TTC3: variants seen among roughly 807,000 people sequenced by gnomAD.
TTC3 encodes the protein E3 ubiquitin-protein ligase TTC3.
TTC3 carries 180 observed loss-of-function variants against 249.6 expected under a neutral mutation model. The observed-to-expected ratio is 0.72, with a 90% CI of 0.64 to 0.82. The LOEUF (loss-of-function observed/expected upper bound fraction) is 0.82, where lower values mean the gene tolerates loss of function less well. Ranked by LOEUF, TTC3 falls within the 40% of genes least tolerant of loss-of-function variation. The pLI, the probability that TTC3 is intolerant of heterozygous loss-of-function variation, is 0.00. For synonymous variants in TTC3, 717 were observed against 805.0 expected, an observed-to-expected ratio of 0.89 and a Z score of 1.85; for missense variants, 2,061 against 2,398.4, an observed-to-expected ratio of 0.86 and a Z score of 2.94.
chr21:37,202,778 A>G (rs1439879905), exon 46 of TTC3: 1 of 152,252 alleles, frequency 6.6e-6, no homozygotes, highest in African/African-American at 2.4e-5. Context: ...CTGGAAACTT[A>G]GAGTCATGAG....
chr21:37,200,225 T>G lies in TTC3; in HGVS notation c.5851-7T>G, dbSNP rs746185526. 3 of 1,613,908 alleles carry G rather than the reference T, an allele frequency of 1.9e-6. No individual in the cohort carries two copies. In the South Asian group the frequency reaches 3.3e-5, roughly 18 times the overall value. Reference sequence around the variant, plus strand: ...TCTTTACTATTCAGGTGTGTTTGTTTCCACAGGCACTGGGTGCAAGTTCCT... The same window carrying G: ...TCTTTACTATTCAGGTGTGTTTGTTGCCACAGGCACTGGGTGCAAGTTCCT... On this transcript the variant is annotated splice_polypyrimidine_tract_variant and splice_region_variant and intron_variant, in intron 44 of 45. Coordinates refer to ENST00000355666, the Ensembl canonical transcript of TTC3.
At chr21:37,083,024 C>A (rs2835574) in intron 1 of TTC3, 501,066 of 984,800 alleles carry the variant, frequency 0.51, 128,598 homozygotes, top group Middle Eastern at 0.54. Flanking sequence ...TCCATAGTGA[C>A]CCTGCAGAGA....
intron 23 of TTC3, among the ~76,000 whole-genome samples, chr21:37,149,040 GA>G (rs2079229730): frequency 6.6e-6 from 1 of 152,176 alleles, no homozygotes; most frequent in South Asian, 2.1e-4. Context: ...AAAATTTGAT[GA>G]GGTAATTTGT....
intron 16 of TTC3, among the ~76,000 whole-genome samples, chr21:37,129,824 T>C (rs1363579520): frequency 6.6e-6 from 1 of 152,160 alleles, no homozygotes; most frequent in Non-Finnish European, 1.5e-5. Context: ...ACTAAATGTT[T>C]TTTAGAGACA....
chr21:37,179,595 A>G (rs1390191148), intron 35 of TTC3, among the ~76,000 whole-genome samples: 1 of 152,200 alleles, frequency 6.6e-6, no homozygotes, highest in Non-Finnish European at 1.5e-5. Flanking sequence ...TTAATTTTTC[A>G]AATAGTATGG....
intron 5 of TTC3, among the ~76,000 whole-genome samples, chr21:37,089,195 G>GTGC (rs1183381043): frequency 6.6e-6 from 1 of 152,192 alleles, no homozygotes; most frequent in Admixed American, 6.5e-5. Context: ...TGAAAGTGAT[G>GTGC]TGCTCTATCT....
intron 18 of TTC3, among the ~76,000 whole-genome samples, chr21:37,137,026 A>C (rs2078006548): frequency 6.6e-6 from 1 of 152,228 alleles, no homozygotes; most frequent in East Asian, 1.9e-4. Context: ...AGCATGGTTT[A>C]CTAAGTACTT....
chr21:37,143,586 A>G lies in TTC3; in HGVS notation c.1773-939A>G, dbSNP rs112371696. ...TAGAATGGCGATCATTAAAAAGTCAAGAAACAACAGGTGCTGGAGAGGATG... is the reference window on the plus strand; with the variant it reads ...TAGAATGGCGATCATTAAAAAGTCAGGAAACAACAGGTGCTGGAGAGGATG... On this transcript the variant is annotated intron_variant, in intron 20 of 45. Coordinates refer to ENST00000355666, the Ensembl canonical transcript of TTC3. Among the ~76,000 whole-genome samples the G allele has an allele frequency of 5.4e-3, 826 of 151,826 alleles. 6 individuals are homozygous for G. Among genetic ancestry groups the G allele is most frequent in the African/African-American group, 0.019 (789 of 41,396 alleles).
chr21:37,134,556 G>A (rs2077757426), intron 17 of TTC3, among the ~76,000 whole-genome samples: 1 of 152,130 alleles, frequency 6.6e-6, no homozygotes, highest in African/African-American at 2.4e-5. Context: ...GTTAGGAATG[G>A]TGAGGAATAC....
At chr21:37,181,141 A>C (rs1380488489) in intron 35 of TTC3, among the ~76,000 whole-genome samples, 1 of 152,232 alleles carries the variant, frequency 6.6e-6, no homozygotes, top group East Asian at 1.9e-4. Context: ...GGCATTCAGC[A>C]GTGGTTAGTA....
chr21:37,090,100 T>C lies in TTC3; in HGVS notation c.427-133T>C, dbSNP rs1034201522. 4 of 562,138 alleles carry C rather than the reference T, an allele frequency of 7.1e-6. No individual in the cohort carries two copies. The African/African-American group carries it at 7.8e-5, about 11-fold the overall frequency. The allele number at this position is 562,138 out of a possible 1,614,324, so 34.8% of individuals were successfully genotyped here. On this transcript the variant is annotated intron_variant, in intron 5 of 45. Coordinates refer to ENST00000355666, the Ensembl canonical transcript of TTC3. ...AAGATCTTAAGGGGTAACTTGGTCA[T>C]GTAAATGCTTGTCGGAAGTGTACTA...
intron 21 of TTC3, 22 bp from the exon 22 acceptor site, chr21:37,147,459 A>G: frequency 3.2e-6 from 5 of 1,586,972 alleles, no homozygotes; most frequent in East Asian, 2.3e-5. Flanking sequence ...TAATGGTATC[A>G]TTTTTGTTTA....
chr21:37,190,863 G>C (rs1377111589), intron 39 of TTC3, among the ~76,000 whole-genome samples: 1 of 152,090 alleles, frequency 6.6e-6, no homozygotes, highest in East Asian at 1.9e-4. Flanking sequence ...CAATAGACCA[G>C]ATTCATGAGG....
At chr21:37,132,819 T>A (rs1265258671) in intron 17 of TTC3, 53 bp downstream of exon 17, 23 of 1,379,190 alleles carry the variant, frequency 1.7e-5, no homozygotes, top group Non-Finnish European at 2.0e-5. Flanking sequence ...AACAAAACAT[T>A]GTTCACATGA....
At chr21:37,130,528 A>G (rs2077388101) in intron 16 of TTC3, among the ~76,000 whole-genome samples, 2 of 152,214 alleles carry the variant, frequency 1.3e-5, no homozygotes, top group Non-Finnish European at 2.9e-5. Flanking sequence ...GCCCTGGAAC[A>G]TAGTAAATCT....
intron 21 of TTC3, among the ~76,000 whole-genome samples, chr21:37,145,704 C>T (rs2078925109): frequency 6.6e-6 from 1 of 152,168 alleles, no homozygotes; most frequent in African/African-American, 2.4e-5. Context: ...ATGGTGTCAG[C>T]ACCTGCTGGT....
intron 11 of TTC3, among the ~76,000 whole-genome samples, chr21:37,120,191 G>T (rs2076470815): frequency 6.6e-6 from 1 of 152,148 alleles, no homozygotes; most frequent in South Asian, 2.1e-4. Context: ...ATGAGCAAGA[G>T]GGAATTTCCA....
intron 36 of TTC3, among the ~76,000 whole-genome samples, chr21:37,183,574 G>A (rs2082949648): frequency 6.6e-6 from 1 of 152,120 alleles, no homozygotes; most frequent in South Asian, 2.1e-4. Context: ...GAGTTCAGCT[G>A]GGCCATTCTT....
At chr21:37,147,572 T>C (rs1479330755) in exon 22 of TTC3, 1 of 1,611,756 alleles carries the variant, frequency 6.2e-7, no homozygotes, top group Non-Finnish European at 8.5e-7. Flanking sequence ...TATTCTAAGA[T>C]CCAGATATAC....
Sources: gnomAD v4.1 joint callset for allele counts (sites outside exome capture counted in the v4.1 genomes callset) on GRCh38, gnomAD v4.1.1 for gene constraint, MANE v1.5 for transcripts, NCBI Gene and HGNC (gene_info 2026-07-23, HGNC 2026-07-21) for gene names.